Variants in RHBDL2 observed in about 807,000 individuals in gnomAD.
The protein encoded by RHBDL2 is rhomboid like 2, also known as rhomboid-related protein 2.
RHBDL2 carries 26 observed loss-of-function variants against 31.7 expected under a neutral mutation model. That is an observed-to-expected ratio of 0.82 (90% CI 0.60 to 1.14). The LOEUF is 1.14. Among genes scored for constraint, RHBDL2 ranks in the 50% most tolerant of loss-of-function variants. The probability of loss-of-function intolerance (pLI) is 0.00; values close to 1 mark genes in which losing one functional copy is unlikely to be tolerated. For missense variants in RHBDL2, 336 were observed against 364.4 expected (o/e 0.92, Z 0.63); for synonymous variants, 123 against 127.2 (o/e 0.97, Z 0.22).
chr1:38,906,966 G>T (rs970797697), intron 4 of RHBDL2, among the ~76,000 whole-genome samples: 4 of 152,122 alleles, frequency 2.6e-5, no homozygotes, highest in Non-Finnish European at 4.4e-5. Context: ...TTTTCAAAAT[G>T]AAGAATAAAA....
chr1:38,938,298 A>T (rs1246981381), intron 1 of RHBDL2, among the ~76,000 whole-genome samples: 1 of 152,056 alleles, frequency 6.6e-6, no homozygotes, highest in Non-Finnish European at 1.5e-5. Context: ...TAGAGGCGTG[A>T]GCCACCGCGC....
chr1:38,904,757 C>T (rs978609337), intron 4 of RHBDL2, among the ~76,000 whole-genome samples: 3 of 149,908 alleles, frequency 2.0e-5, no homozygotes, highest in East Asian at 1.9e-4. Flanking sequence ...ATTGGCCGGG[C>T]GCGGTGGCTC....
At chr1:38,899,979 G>C (rs1642969052) in intron 4 of RHBDL2, among the ~76,000 whole-genome samples, 2 of 152,226 alleles carry the variant, frequency 1.3e-5, no homozygotes. Flanking sequence ...CCTGCAAGCA[G>C]TGTGGGGATG....
At chr1:38,906,661 G>A (rs972008614) in intron 4 of RHBDL2, among the ~76,000 whole-genome samples, 4 of 146,922 alleles carry the variant, frequency 2.7e-5, no homozygotes, top group South Asian at 2.2e-4. Flanking sequence ...GCGACAGAGC[G>A]ACACTCCATC....
chr1:38,941,513 T>C (rs994918177), intron 1 of RHBDL2, among the ~76,000 whole-genome samples, 169 bp downstream of exon 1: 1 of 152,000 alleles, frequency 6.6e-6, no homozygotes, highest in Non-Finnish European at 1.5e-5. Flanking sequence ...AGTAGCAGGA[T>C]CCAAAGCGGC....
At chr1:38,914,432 G>T (rs1643201221) in intron 3 of RHBDL2, among the ~76,000 whole-genome samples, 1 of 151,628 alleles carries the variant, frequency 6.6e-6, no homozygotes, top group African/African-American at 2.4e-5. Context: ...AGTAGAGACG[G>T]GGTTTTACCA....
intron 4 of RHBDL2, among the ~76,000 whole-genome samples, chr1:38,901,461 CAAAA>C (rs532037662): frequency 1.9e-5 from 1 of 51,894 alleles, no homozygotes; most frequent in East Asian, 7.0e-4. Context: ...GGCTCAGTCT[CAAAA>C]AAAAAAAAAA....
At chr1:38,911,487 T>A (rs1250517696) in intron 3 of RHBDL2, 53 bp from the exon 4 acceptor site, 1 of 1,214,564 alleles carries the variant, frequency 8.2e-7, no homozygotes, top group African/African-American at 1.5e-5. Context: ...AAGCAGTTAT[T>A]TCCCTGGGAG....
chr1:38,913,255 A>T (rs1018906559), intron 3 of RHBDL2, among the ~76,000 whole-genome samples: 6 of 151,842 alleles, frequency 4.0e-5, no homozygotes, highest in African/African-American at 1.5e-4. Context: ...TGGGATTACA[A>T]GGCATGAGCC....
At position 38,896,906 on chromosome 1, in the gene RHBDL2, G is replaced by GA. The variant is rs147592724; in HGVS notation, c.509-838dup. Among the ~76,000 whole-genome samples the GA allele has an allele frequency of 9.3e-3, 1,417 of 152,152 alleles. 22 individuals carry two copies. The highest frequency in any genetic ancestry group is 0.03 in the African/African-American group (1,243 of 41,502). ...ACAATACAGTACCTATTTTGTGCAAGAAAAAGTGTCTGTCCTCAGTAATTT... is the reference window on the plus strand; with the variant it reads ...ACAATACAGTACCTATTTTGTGCAAGAAAAAAGTGTCTGTCCTCAGTAATTT... On this transcript the variant is annotated intron_variant, in intron 4 of 7. Transcript: ENST00000372990.
At chr1:38,902,180 G>C (rs113253596) in intron 4 of RHBDL2, among the ~76,000 whole-genome samples, 1,155 of 114,924 alleles carry the variant, frequency 0.01, 12 homozygotes, top group South Asian at 0.044. Context: ...CCACAGTTTT[G>C]TTTTCTTCTT....
At chr1:38,929,123 G>A (rs1643411944) in intron 1 of RHBDL2, among the ~76,000 whole-genome samples, 3 of 152,076 alleles carry the variant, frequency 2.0e-5, no homozygotes, top group South Asian at 4.2e-4. Context: ...AAAGAAGTGT[G>A]AATCTTCTTT....
chr1:38,893,045 C>T (rs534782898), intron 6 of RHBDL2, 119 bp downstream of exon 6: 21 of 575,624 alleles, frequency 3.6e-5, no homozygotes, highest in Non-Finnish European at 6.6e-5. Flanking sequence ...ATAGACCTCC[C>T]AGGTCTGTGT....
At chr1:38,912,636 G>C in intron 3 of RHBDL2, among the ~76,000 whole-genome samples, 2 of 151,280 alleles carry the variant, frequency 1.3e-5, no homozygotes, top group East Asian at 1.9e-4. Context: ...ACCCAGGCTG[G>C]TCTCAAACTC....
At chr1:38,923,628 T>C (rs918701653) in intron 1 of RHBDL2, among the ~76,000 whole-genome samples, 11 of 152,222 alleles carry the variant, frequency 7.2e-5, no homozygotes, top group African/African-American at 2.2e-4. Context: ...GGAAGCCCAA[T>C]TGAATGGAGC....
rs143524561 is a variant in RHBDL2 at position 38,924,940 on chromosome 1, C to T, written c.-125-5603G>A. ...GAAGTTACAGGCATGCACCACCATACCCAGCTAATTTTGTATTTTTAGTAG... is the reference window on the plus strand; with the variant it reads ...GAAGTTACAGGCATGCACCACCATATCCAGCTAATTTTGTATTTTTAGTAG... On this transcript the variant is annotated intron_variant, in intron 1 of 7. Transcript: ENST00000372990. Among the ~76,000 whole-genome samples the T allele has an allele frequency of 1.7e-3, 254 of 151,848 alleles. 1 individual carries two copies. The highest frequency in any genetic ancestry group is 5.9e-3 in the African/African-American group (243 of 41,444).
intron 4 of RHBDL2, among the ~76,000 whole-genome samples, chr1:38,904,840 G>T (rs1643041658): frequency 6.8e-6 from 1 of 147,048 alleles, no homozygotes; most frequent in South Asian, 2.1e-4. Flanking sequence ...GACCATCCTG[G>T]CTAACACGGT....
At chr1:38,888,071 T>C (rs1642809287) in intron 6 of RHBDL2, 47 bp from the exon 7 acceptor site, 1 of 1,308,052 alleles carries the variant, frequency 7.6e-7, no homozygotes. Flanking sequence ...TCCACAGTAG[T>C]ACACCAAATG....
chr1:38,908,595 C>T (rs1643099841), intron 4 of RHBDL2, among the ~76,000 whole-genome samples: 1 of 152,002 alleles, frequency 6.6e-6, no homozygotes, highest in African/African-American at 2.4e-5. Context: ...CCCTTGTCCC[C>T]CTCGCAGGGC....
Sources: allele counts gnomAD v4.1 joint callset (sites outside exome capture counted in the v4.1 genomes callset), GRCh38; gene constraint gnomAD v4.1.1; transcripts MANE v1.5; gene names NCBI Gene and HGNC (gene_info 2026-07-23, HGNC 2026-07-21).